Variants in ATP8B1 observed in about 807,000 individuals in gnomAD.
ATP8B1 encodes the protein phospholipid-transporting ATPase IC.
ATP8B1 carries 80 observed loss-of-function variants against 149.9 expected under a neutral mutation model. The ratio of observed to expected loss-of-function variants is 0.53; its 90% CI spans 0.45 to 0.64. The LOEUF (loss-of-function observed/expected upper bound fraction) is 0.64, where lower values mean the gene tolerates loss of function less well. Among genes scored for constraint, ATP8B1 ranks in the 30% least tolerant of loss-of-function variants. ATP8B1 has a pLI of 0.00. For synonymous variants in ATP8B1, 536 were observed against 562.8 expected (o/e 0.95, Z 0.67); for missense variants, 1,247 against 1,552.6 (o/e 0.80, Z 3.31).
At chr18:57,672,027 T>C (rs564742578) in intron 16 of ATP8B1, among the ~76,000 whole-genome samples, 65 of 152,376 alleles carry the variant, frequency 4.3e-4, no homozygotes, top group Non-Finnish European at 9.0e-4. Flanking sequence ...TAGAAAAGTG[T>C]TGCCTTCAAC....
chr18:57,684,546 G>A (rs372408539), intron 14 of ATP8B1, among the ~76,000 whole-genome samples: 1 of 151,994 alleles, frequency 6.6e-6, no homozygotes, highest in African/African-American at 2.4e-5. Flanking sequence ...GTATTTTTTT[G>A]TAGAGATGGG....
chr18:57,695,909 GAAATTCTGTTTCGCCTCTGTC>G (rs1354954468), intron 8 of ATP8B1, among the ~76,000 whole-genome samples: 1 of 152,186 alleles, frequency 6.6e-6, no homozygotes, highest in Non-Finnish European at 1.5e-5. Flanking sequence ...ATTTGTTACA[GAAATTCTGTTTCGCCTCTGTC>G]AAATTCTTTT....
chr18:57,668,755 A>G (rs1911052895), intron 18 of ATP8B1: 1 of 509,592 alleles, frequency 2.0e-6, no homozygotes, highest in Non-Finnish European at 3.4e-6. Context: ...TAAAGGATGA[A>G]CTATTTAATT....
chr18:57,651,792 T>G (rs1413228414), intron 26 of ATP8B1, among the ~76,000 whole-genome samples: 1 of 149,750 alleles, frequency 6.7e-6, no homozygotes. Context: ...CCACCATGCC[T>G]GGCTAATTTT....
Position 57,648,852 on chromosome 18 carries a change from T to TGTG in ATP8B1, c.3532-141_3532-140insCAC, listed in dbSNP as rs1909382370. On this transcript the variant is annotated intron_variant, in intron 27 of 27. Transcript: ENST00000648908. ...TTGATGCAGGCAGTTCTGTCCCCAC[T>TGTG]TGTGTGTGTGTGTGTGTGTGTGTGT... 62 of 557,574 alleles carry TGTG rather than the reference T, an allele frequency of 1.1e-4. 5 individuals are homozygous for TGTG. The highest frequency in any genetic ancestry group is 5.0e-4 in the African/African-American group (22 of 43,676). 34.5% of individuals were successfully genotyped at this position (557,574 alleles called of 1,614,324 possible). A position where few individuals can be genotyped will look rare whatever the true frequency, so the allele number is the denominator to read the frequency against.
In ATP8B1 at chr18:57,685,029, C is replaced by A. The variant is rs760559707; in HGVS notation, c.1473+43G>T. On this transcript the variant is annotated intron_variant, in intron 14 of 27. Coordinates refer to ENST00000648908, the MANE Select transcript of ATP8B1 (RefSeq NM_001374385.1). The stretch of plus-strand genomic sequence containing the variant: ...AAGCATGGCCCTGCTGGGACCCTGA[C>A]ATCCCCAGCATCCCAAACGATTCTT... 5 of 1,606,800 alleles carry A rather than the reference C, an allele frequency of 3.1e-6. No homozygotes were observed. In the South Asian group the frequency reaches 5.5e-5, roughly 18 times the overall value.
At chr18:57,766,873 G>A (rs2080215483) in intron 1 of ATP8B1, among the ~76,000 whole-genome samples, 2 of 152,198 alleles carry the variant, frequency 1.3e-5, no homozygotes, top group South Asian at 4.1e-4. Context: ...CCTAGAGGAG[G>A]TGTTGCAGAA....
chr18:57,648,596 G>T lies in ATP8B1; in HGVS notation c.3648C>A (p.Gly1216=). The part of the protein sequence containing the change: ...RSAYAFSHQR[G]YADLISSGRS... ...GCCCGGAGGAGATGAGGTCCGCGTA[G>T]CCCCGCTGGTGCGAGAAGGCGTAGG... The change falls in exon 28 of 28, where the codon GGC becomes GGA. Residue 1216 remains glycine, a synonymous_variant. Coordinates refer to ENST00000648908, the MANE Select transcript of ATP8B1 (RefSeq NM_001374385.1). 1.2e-6 allele frequency: 2 copies of T among 1,611,154 alleles called. No individual in the cohort carries two copies. The highest frequency in any genetic ancestry group is 1.1e-5 in the South Asian group (1 of 90,944).
intron 4 of ATP8B1, among the ~76,000 whole-genome samples, chr18:57,703,388 G>A (rs1913223633): frequency 6.6e-6 from 1 of 152,006 alleles, no homozygotes; most frequent in Non-Finnish European, 1.5e-5. Context: ...TGGTCAACAT[G>A]GTGAAACCCT....
At chr18:57,788,806 C>T (rs959485943) in intron 1 of ATP8B1, among the ~76,000 whole-genome samples, 3 of 152,134 alleles carry the variant, frequency 2.0e-5, no homozygotes, top group African/African-American at 7.2e-5. Flanking sequence ...TCAGCCAGCC[C>T]ATTCAGTGAC....
At chr18:57,693,944 G>C (rs1912671724) in intron 11 of ATP8B1, among the ~76,000 whole-genome samples, 1 of 152,072 alleles carries the variant, frequency 6.6e-6, no homozygotes, top group Non-Finnish European at 1.5e-5. Context: ...GGTGGGGAGT[G>C]GGGGCAGGAC....
intron 1 of ATP8B1, among the ~76,000 whole-genome samples, chr18:57,762,141 A>ATAT (rs374061330): frequency 6.3e-5 from 8 of 126,794 alleles, no homozygotes; most frequent in East Asian, 2.0e-4. Context: ...ATATATATAT[A>ATAT]TTTTTTTTTT....
At chr18:57,690,596 C>T (rs182420473) in intron 12 of ATP8B1, among the ~76,000 whole-genome samples, 4 of 152,326 alleles carry the variant, frequency 2.6e-5, no homozygotes, top group Non-Finnish European at 5.9e-5. Flanking sequence ...CTCGGTTTTT[C>T]TCAAAGTAGC....
intron 20 of ATP8B1, among the ~76,000 whole-genome samples, chr18:57,666,349 G>A (rs776567511): frequency 2.0e-5 from 3 of 151,710 alleles, no homozygotes; most frequent in African/African-American, 4.8e-5. Flanking sequence ...GATTACAGGG[G>A]ACCTACATGA....
intron 8 of ATP8B1, among the ~76,000 whole-genome samples, chr18:57,696,547 CA>C (rs10639684): frequency 0.32 from 46,595 of 145,574 alleles, 7,865 homozygotes; most frequent in South Asian, 0.46. Context: ...TTTTTTCCGC[CA>C]AAAAAAAAAA....
chr18:57,797,862 A>G (rs1291035156), intron 1 of ATP8B1, among the ~76,000 whole-genome samples: 1 of 151,632 alleles, frequency 6.6e-6, no homozygotes, highest in East Asian at 1.9e-4. Flanking sequence ...GCATGCCACC[A>G]CACCTGGCTA....
chr18:57,650,575 G>C (rs566867812), intron 26 of ATP8B1, 78 bp from the exon 27 acceptor site: 2 of 1,535,230 alleles, frequency 1.3e-6, no homozygotes, highest in East Asian at 5.0e-5. Flanking sequence ...AGGTGTGGTG[G>C]CTCATGCCTG....
At chr18:57,776,335 C>G (rs2080305820) in intron 1 of ATP8B1, among the ~76,000 whole-genome samples, 2 of 152,260 alleles carry the variant, frequency 1.3e-5, no homozygotes, top group Non-Finnish European at 2.9e-5. Context: ...ATAGTACCAC[C>G]TCGCATTCAT....
At chr18:57,652,306 C>G in intron 25 of ATP8B1, 134 bp from the exon 26 acceptor site, 1 of 1,446,066 alleles carries the variant, frequency 6.9e-7, no homozygotes, top group Non-Finnish European at 9.5e-7. Flanking sequence ...GAAACTAAAC[C>G]ATCCTTGACT....
Sources: gnomAD v4.1 joint callset for allele counts (sites outside exome capture counted in the v4.1 genomes callset) on GRCh38, gnomAD v4.1.1 for gene constraint, MANE v1.5 for transcripts, NCBI Gene and HGNC (gene_info 2026-07-23, HGNC 2026-07-21) for gene names.